IL12RB2: variants seen among roughly 807,000 people sequenced by gnomAD.
IL12RB2 encodes the protein interleukin-12 receptor subunit beta-2.
A neutral mutation model predicts 89.4 loss-of-function variants in IL12RB2; 82 were observed. The observed-to-expected ratio is 0.92, with a 90% CI of 0.77 to 1.10. The LOEUF (loss-of-function observed/expected upper bound fraction) is 1.10, where lower values mean the gene tolerates loss of function less well. IL12RB2 is among the 50% of genes least tolerant of loss of function. The pLI is 0.00. For missense variants in IL12RB2, 963 were observed against 1,031.9 expected (o/e 0.93, Z 0.92); for synonymous variants, 368 against 370.1 (o/e 0.99, Z 0.07).
chr1:67,374,477 T>G (rs1042482736), intron 13 of IL12RB2, among the ~76,000 whole-genome samples: 2 of 137,714 alleles, frequency 1.5e-5, no homozygotes, highest in Non-Finnish European at 1.6e-5. Flanking sequence ...CTGTTTATTC[T>G]TTTTTTTTTT....
intron 9 of IL12RB2, among the ~76,000 whole-genome samples, chr1:67,350,269 A>C (rs1459536135): frequency 6.6e-6 from 1 of 152,246 alleles, no homozygotes; most frequent in Non-Finnish European, 1.5e-5. Context: ...AAATGATCTC[A>C]ATTGGAATTT....
intron 1 of IL12RB2, among the ~76,000 whole-genome samples, chr1:67,312,913 T>G (rs1655273300): frequency 6.6e-6 from 1 of 152,228 alleles, no homozygotes; most frequent in South Asian, 2.1e-4. Flanking sequence ...ATTTGGCTCA[T>G]GTAAACAGTG....
chr1:67,324,983 A>G (rs1006046069), intron 4 of IL12RB2, among the ~76,000 whole-genome samples: 5 of 152,264 alleles, frequency 3.3e-5, no homozygotes, highest in Admixed American at 6.5e-5. Context: ...TGAATCAGAG[A>G]GAACTAGCTC....
Position 67,328,183 on chromosome 1 carries a change from T to C in IL12RB2, c.480-17T>C, listed in dbSNP as rs563893527. On this transcript the variant is annotated splice_polypyrimidine_tract_variant and intron_variant, in intron 5 of 16. Transcript: ENST00000674203. ...ACATAAAACATGTTGCTACACGTGGTTGTGTTTTGTTTACAGGCTAAGTGG... is the reference window on the plus strand; with the variant it reads ...ACATAAAACATGTTGCTACACGTGGCTGTGTTTTGTTTACAGGCTAAGTGG... The C allele has an allele frequency of 1.9e-6, 3 of 1,549,494 alleles. No homozygotes were observed. The highest frequency in any genetic ancestry group is 1.7e-5 in the Admixed American group (1 of 59,964).
intron 2 of IL12RB2, among the ~76,000 whole-genome samples, chr1:67,316,727 C>A (rs1032157111): frequency 6.6e-6 from 1 of 152,202 alleles, no homozygotes; most frequent in Non-Finnish European, 1.5e-5. Context: ...TGTGCATTCA[C>A]CATTCCTCTG....
chr1:67,387,556 C>G (rs1241448935), intron 15 of IL12RB2, among the ~76,000 whole-genome samples: 2 of 151,480 alleles, frequency 1.3e-5, no homozygotes, highest in Non-Finnish European at 2.9e-5. Flanking sequence ...CAAAAATTAG[C>G]TGGGTGTGGT....
intron 2 of IL12RB2, among the ~76,000 whole-genome samples, chr1:67,316,703 C>T (rs2100556284): frequency 6.6e-6 from 1 of 152,254 alleles, no homozygotes; most frequent in Non-Finnish European, 1.5e-5. Flanking sequence ...AAGCTCGTTC[C>T]TCTGCCTCCA....
chr1:67,330,263 A>G (rs1657878171), intron 7 of IL12RB2, among the ~76,000 whole-genome samples: 1 of 122,632 alleles, frequency 8.2e-6, no homozygotes, highest in Admixed American at 8.6e-5. Context: ...AACTAATTAA[A>G]GGGTTTTTTT....
intron 6 of IL12RB2, 82 bp from the exon 7 acceptor site, chr1:67,329,505 T>A (rs1657769250): frequency 2.3e-6 from 2 of 861,394 alleles, no homozygotes. Context: ...TTTGTCAAAC[T>A]CTTTATAGCT....
intron 1 of IL12RB2, among the ~76,000 whole-genome samples, chr1:67,312,659 T>C (rs1344230447): frequency 2.5e-5 from 1 of 40,128 alleles, no homozygotes; most frequent in African/African-American, 1.1e-4. Context: ...GAGAAAAGAA[T>C]AAAGGAAGTT....
At chr1:67,362,169 G>A (rs1662128587) in intron 10 of IL12RB2, among the ~76,000 whole-genome samples, 1 of 152,144 alleles carries the variant, frequency 6.6e-6, no homozygotes, top group South Asian at 2.1e-4. Flanking sequence ...TACTCGGGAG[G>A]CTGCTGCAGG....
Position 67,321,850 on chromosome 1 carries a change from G to A in IL12RB2, c.325G>A (p.Asp109Asn). Residue 109 changes from aspartate to asparagine, a missense_variant, in exon 4 of 17, where the codon GAT (aspartate) becomes AAT (asparagine). Physicochemically the swap from Asp to Asn is conservative, Grantham distance 23. Coordinates refer to ENST00000674203, the MANE Select transcript of IL12RB2 (RefSeq NM_001374259.2). Reference sequence around the variant, plus strand: ...CTGCAAACTGGCCTGTATCAATAGTGATGAAATTCAAATATGTGGAGCAGA... The same window carrying A: ...CTGCAAACTGGCCTGTATCAATAGTAATGAAATTCAAATATGTGGAGCAGA... Reference protein sequence around the residue: ...FVCKLACINSDEIQICGAEIF... With the variant: ...FVCKLACINSNEIQICGAEIF... The A allele has an allele frequency of 1.9e-6, 3 of 1,614,018 alleles. No individual in the cohort carries two copies. The South Asian group carries it at 3.3e-5, about 18-fold the overall frequency.
chr1:67,367,860 G>A lies in IL12RB2; in HGVS notation c.1294G>A (p.Glu432Lys). 1.2e-6 allele frequency: 2 copies of A among 1,608,458 alleles called. No homozygotes were observed. Among genetic ancestry groups the A allele is most frequent in the Non-Finnish European group, 1.7e-6 (2 of 1,174,866 alleles). ...LAPRQVSANS[E>K]GMDNILVTWQ... is the part of the protein sequence containing the mutation. ...TCCTCGCCAGGTCTCTGCAAACTCA[G>A]AGGGCATGGACAACATTCTGGTGAC... Residue 432 changes from glutamate to lysine, a missense_variant, in exon 11 of 17, where the codon GAG becomes AAG. Coordinates refer to ENST00000674203, the MANE Select transcript of IL12RB2 (RefSeq NM_001374259.2).
At chr1:67,341,519 A>AG (rs11418271) in intron 9 of IL12RB2, among the ~76,000 whole-genome samples, 10,331 of 47,128 alleles carry the variant, frequency 0.22, 587 homozygotes, top group African/African-American at 0.31. Flanking sequence ...AGAAGGAAAG[A>AG]AAAAAGAAAG....
At chr1:67,385,787 A>T (rs536343895) in intron 14 of IL12RB2, among the ~76,000 whole-genome samples, 2 of 152,372 alleles carry the variant, frequency 1.3e-5, no homozygotes, top group South Asian at 4.1e-4. Context: ...ACTTTGCTAA[A>T]ATTAATAGCT....
intron 10 of IL12RB2, among the ~76,000 whole-genome samples, chr1:67,360,043 G>A (rs2100914809): frequency 6.6e-6 from 1 of 152,268 alleles, no homozygotes; most frequent in Middle Eastern, 3.4e-3. Flanking sequence ...AAATCTGAGA[G>A]TTAAAATCTC....
intron 9 of IL12RB2, among the ~76,000 whole-genome samples, chr1:67,349,678 C>A (rs1324743342): frequency 6.6e-6 from 1 of 152,010 alleles, no homozygotes; most frequent in Non-Finnish European, 1.5e-5. Context: ...AGAAGGGTCA[C>A]CAGAATGGAC....
chr1:67,313,070 TG>T (rs1655297860), intron 1 of IL12RB2, among the ~76,000 whole-genome samples: 1 of 152,282 alleles, frequency 6.6e-6, no homozygotes, highest in African/African-American at 2.4e-5. Context: ...TGTAATGGCT[TG>T]TTACATTCTT....
rs11463498 is a variant in IL12RB2, at chr1:67,330,575, G to GT, written c.808-73dup. 0.57 allele frequency: 349,997 copies of GT among 617,248 alleles called. 62,676 individuals carry two copies. The highest frequency in any genetic ancestry group is 0.61 in the African/African-American group (32,103 of 52,434). The allele number at this position is 617,248 out of a possible 1,614,324, so 38.2% of individuals were successfully genotyped here. A position where few individuals can be genotyped will look rare whatever the true frequency, so the allele number is the denominator to read the frequency against. On this transcript the variant is annotated intron_variant, in intron 7 of 16. Transcript: ENST00000674203. Reference sequence around the variant, plus strand: ...AAACAAATAAGATCAAATAGCCTGGGTTTTTTTTTTTTCATTTTATGTTAA... The same window carrying GT: ...AAACAAATAAGATCAAATAGCCTGGGTTTTTTTTTTTTTCATTTTATGTTAA...
Sources: allele counts gnomAD v4.1 joint callset (sites outside exome capture counted in the v4.1 genomes callset), GRCh38; gene constraint gnomAD v4.1.1; transcripts MANE v1.5; gene names NCBI Gene and HGNC (gene_info 2026-07-23, HGNC 2026-07-21).